UBE4B: variants seen among roughly 807,000 people sequenced by gnomAD.
The protein encoded by UBE4B is ubiquitination factor E4B.
A neutral mutation model predicts 148.1 loss-of-function variants in UBE4B; 27 were observed. That is an observed-to-expected ratio of 0.18 (90% CI 0.13 to 0.25). The LOEUF is 0.25. Among genes scored for constraint, UBE4B ranks in the 10% least tolerant of loss-of-function variants. UBE4B has a pLI of 1.00. For missense variants in UBE4B, 1,170 were observed against 1,662.4 expected, an observed-to-expected ratio of 0.70 and a Z score of 5.15; for synonymous variants, 596 against 619.3, an observed-to-expected ratio of 0.96 and a Z score of 0.56.
At chr1:10,069,467 G>A (rs1384540513) in intron 1 of UBE4B, among the ~76,000 whole-genome samples, 1 of 152,096 alleles carries the variant, frequency 6.6e-6, no homozygotes, top group Non-Finnish European at 1.5e-5. Flanking sequence ...TCAGAGCCAC[G>A]GAGAAAAAAT....
At chr1:10,043,220 G>A (rs563817998) in intron 1 of UBE4B, among the ~76,000 whole-genome samples, 2 of 151,630 alleles carry the variant, frequency 1.3e-5, no homozygotes, top group Admixed American at 1.3e-4. Context: ...TGTTGACCAG[G>A]CTGGTCTTGA....
chr1:10,092,350 G>C (rs571734677), intron 2 of UBE4B, among the ~76,000 whole-genome samples: 1 of 152,092 alleles, frequency 6.6e-6, no homozygotes, highest in East Asian at 2.0e-4. Context: ...TCAGATTCCC[G>C]AGTAGCTGGG....
At chr1:10,040,517 C>A (rs1643715668) in intron 1 of UBE4B, among the ~76,000 whole-genome samples, 1 of 152,122 alleles carries the variant, frequency 6.6e-6, no homozygotes, top group Non-Finnish European at 1.5e-5. Context: ...TCCCAGAGTG[C>A]TGAGATTGCA....
chr1:10,143,307 C>T (rs1484893316), intron 17 of UBE4B, among the ~76,000 whole-genome samples: 2 of 152,068 alleles, frequency 1.3e-5, no homozygotes, highest in African/African-American at 2.4e-5. Context: ...GAGGCTGTGG[C>T]AGGAGAATCG....
chr1:10,080,477 A>G (rs2101846766), intron 2 of UBE4B, among the ~76,000 whole-genome samples: 1 of 152,202 alleles, frequency 6.6e-6, no homozygotes, highest in East Asian at 1.9e-4. Context: ...GTGTAAATTT[A>G]TATAGCCATT....
intron 25 of UBE4B, among the ~76,000 whole-genome samples, chr1:10,177,026 A>G (rs1646438783): frequency 6.6e-6 from 1 of 150,460 alleles, no homozygotes; most frequent in Non-Finnish European, 1.5e-5. Flanking sequence ...TGACCTCATG[A>G]TCTGCCTGCC....
Position 10,151,554 on chromosome 1 carries a change from T to G in UBE4B, c.2919T>G (p.Phe973Leu). ...TKLLVPSLMK[F>L]YTDVEHTGAT... is the part of the protein sequence containing the mutation. Reference sequence around the variant, plus strand: ...TGTTGGTACCTTCCCTGATGAAGTTTTATACAGGTAGGTTGCTGGAACACA... The same window carrying G: ...TGTTGGTACCTTCCCTGATGAAGTTGTATACAGGTAGGTTGCTGGAACACA... Residue 973 changes from phenylalanine (F) to leucine (L), a missense_variant, in exon 21 of 28, where the codon TTT becomes TTG. Around this residue, in one of 6 missense-constraint regions of UBE4B, gnomAD observed 348 missense variants for 627.2 expected, o/e 0.55. Coordinates refer to ENST00000343090, the MANE Select transcript of UBE4B (RefSeq NM_001105562.3). 1 of 1,613,744 alleles carries G rather than the reference T, an allele frequency of 6.2e-7. No individual in the cohort carries two copies. Among genetic ancestry groups the G allele is most frequent in the Non-Finnish European group, 8.5e-7 (1 of 1,179,722 alleles).
intron 21 of UBE4B, among the ~76,000 whole-genome samples, chr1:10,155,431 G>A (rs1284685165): frequency 1.3e-5 from 2 of 152,218 alleles, no homozygotes; most frequent in African/African-American, 4.8e-5. Flanking sequence ...GAAGCTTGCT[G>A]AAGGTCAGTG....
intron 21 of UBE4B, among the ~76,000 whole-genome samples, chr1:10,154,007 G>A (rs1176788008): frequency 3.3e-5 from 5 of 152,118 alleles, no homozygotes; most frequent in Admixed American, 6.6e-5. Context: ...ACTTGAACCC[G>A]CGAGGCAGAG....
At position 10,116,163 on chromosome 1, in the gene UBE4B, G is replaced by C. The variant is rs151050654; in HGVS notation, c.1197-1296G>C. Among the ~76,000 whole-genome samples, 719 of 152,020 alleles carry C rather than the reference G, an allele frequency of 4.7e-3. 8 individuals carry two copies. Among genetic ancestry groups the C allele is most frequent in the African/African-American group, 0.016 (675 of 41,454 alleles). On this transcript the variant is annotated intron_variant, in intron 7 of 27. Coordinates refer to ENST00000343090, the MANE Select transcript of UBE4B (RefSeq NM_001105562.3). ...CCATACTTTTTTTCTTTTATTTTAG[G>C]ACAGCGTCTCTCTTTGTCGCCCAGG...
intron 1 of UBE4B, among the ~76,000 whole-genome samples, chr1:10,055,203 G>A (rs1377535884): frequency 6.6e-6 from 1 of 152,086 alleles, no homozygotes; most frequent in African/African-American, 2.4e-5. Context: ...GTTGTGAGTG[G>A]GAGAATTTTA....
chr1:10,095,718 A>G, intron 3 of UBE4B, 122 bp downstream of exon 3: 1 of 1,047,078 alleles, frequency 9.6e-7, no homozygotes, highest in South Asian at 1.6e-5. Context: ...TCCTTAGCAA[A>G]TTAGTGTCAA....
chr1:10,166,410 A>G (rs569876806), intron 23 of UBE4B: 2 of 152,142 alleles, frequency 1.3e-5, no homozygotes, highest in African/African-American at 2.4e-5. Flanking sequence ...TTAAAAGCTT[A>G]GTAGTCCACA....
At chr1:10,172,900 G>C (rs1289423599) in intron 25 of UBE4B, among the ~76,000 whole-genome samples, 1 of 152,114 alleles carries the variant, frequency 6.6e-6, no homozygotes, top group Non-Finnish European at 1.5e-5. Context: ...TCTGTGTTTA[G>C]AATACTCACC....
intron 21 of UBE4B, among the ~76,000 whole-genome samples, chr1:10,156,793 G>A (rs1055753398): frequency 2.0e-5 from 3 of 152,172 alleles, no homozygotes; most frequent in Admixed American, 1.3e-4. Flanking sequence ...AGTATGATAG[G>A]TGTTAATTAT....
At position 10,033,265 on chromosome 1, in the gene UBE4B, G is replaced by T. The variant is rs1266318175; in HGVS notation, c.-406G>T. 4 of 164,554 alleles carry T rather than the reference G, an allele frequency of 2.4e-5. No individual in the cohort carries two copies. In the East Asian group the frequency reaches 5.0e-4, roughly 21 times the overall value. The allele number at this position is 164,554 out of a possible 1,614,324, so 10.2% of individuals were successfully genotyped here. A position where few individuals can be genotyped will look rare whatever the true frequency, so the allele number is the denominator to read the frequency against. ...GAGCAAAGGGTAGGAAGGAGAGCAG[G>T]ATCTGCTGTAGGAACGCAGCTACCG... On this transcript the variant is annotated 5_prime_UTR_variant, in exon 1 of 28. Coordinates refer to ENST00000343090, the MANE Select transcript of UBE4B (RefSeq NM_001105562.3).
intron 1 of UBE4B, among the ~76,000 whole-genome samples, chr1:10,069,367 A>G (rs946669696): frequency 3.9e-5 from 6 of 152,196 alleles, no homozygotes; most frequent in African/African-American, 1.4e-4. Flanking sequence ...CACTGGTGCA[A>G]CGGAAGTTCT....
At chr1:10,160,999 T>C (rs190575851) in intron 22 of UBE4B, 143 bp from the exon 23 acceptor site, 31 of 798,728 alleles carry the variant, frequency 3.9e-5, no homozygotes, top group Non-Finnish European at 5.2e-5. Context: ...TTGAATTCCA[T>C]AGTGCCTGAC....
chr1:10,149,118 A>G, intron 19 of UBE4B, 66 bp from the exon 20 acceptor site: 1 of 1,148,636 alleles, frequency 8.7e-7, no homozygotes, highest in Non-Finnish European at 1.3e-6. Context: ...TGGTAATGTA[A>G]TACTCCTTGT....
Sources: allele counts gnomAD v4.1 joint callset (sites outside exome capture counted in the v4.1 genomes callset), GRCh38; gene constraint gnomAD v4.1.1; regional missense constraint gnomAD v4.1.1; transcripts MANE v1.5; gene names NCBI Gene and HGNC (gene_info 2026-07-23, HGNC 2026-07-21).